Variants in ZBTB20 observed in about 807,000 individuals in gnomAD.
The protein encoded by ZBTB20 is zinc finger and BTB domain containing 20, also known as zinc finger and BTB domain-containing protein 20.
A neutral mutation model predicts 56.9 loss-of-function variants in ZBTB20; 9 were observed. The ratio of observed to expected loss-of-function variants is 0.16; its 90% CI spans 0.10 to 0.28. The LOEUF (loss-of-function observed/expected upper bound fraction) is 0.28, where lower values mean the gene tolerates loss of function less well. Ranked by LOEUF, ZBTB20 falls within the 10% of genes least tolerant of loss-of-function variation. ZBTB20 has a pLI of 1.00. For synonymous variants in ZBTB20, 417 were observed against 420.7 expected, an observed-to-expected ratio of 0.99 and a Z score of 0.11; for missense variants, 655 against 1,003.0, an observed-to-expected ratio of 0.65 and a Z score of 4.69.
At chr3:114,850,608 G>A (rs1482032551) in intron 4 of ZBTB20, among the ~76,000 whole-genome samples, 1 of 152,186 alleles carries the variant, frequency 6.6e-6, no homozygotes, top group Non-Finnish European at 1.5e-5. Context: ...CTTACCCAAG[G>A]CCCTGCATTA....
chr3:114,748,612 C>T (rs2067304246), intron 5 of ZBTB20, among the ~76,000 whole-genome samples: 1 of 152,018 alleles, frequency 6.6e-6, no homozygotes, highest in Non-Finnish European at 1.5e-5. Flanking sequence ...CTGGTGAACT[C>T]AATGGTCCAA....
chr3:114,655,714 A>G (rs1031276463), intron 6 of ZBTB20, among the ~76,000 whole-genome samples: 1 of 152,050 alleles, frequency 6.6e-6, no homozygotes, highest in Admixed American at 6.5e-5. Flanking sequence ...ATATTTTACC[A>G]CTTTATGCAA....
At chr3:114,534,602 T>C (rs2048252101) in intron 6 of ZBTB20, among the ~76,000 whole-genome samples, 1 of 152,108 alleles carries the variant, frequency 6.6e-6, no homozygotes, top group Admixed American at 6.6e-5. Flanking sequence ...TTAACAAGGA[T>C]ATTCAGGACT....
intron 5 of ZBTB20, among the ~76,000 whole-genome samples, chr3:114,757,792 T>C (rs1441080308): frequency 6.6e-6 from 1 of 152,126 alleles, no homozygotes; most frequent in African/African-American, 2.4e-5. Flanking sequence ...AAGGAATAGA[T>C]TAGAAGGCAA....
chr3:114,804,132 T>C (rs1457462030), intron 4 of ZBTB20, among the ~76,000 whole-genome samples: 1 of 151,978 alleles, frequency 6.6e-6, no homozygotes, highest in Non-Finnish European at 1.5e-5. Flanking sequence ...TCCTTAAAGA[T>C]TCTGAATGGC....
intron 5 of ZBTB20, chr3:114,759,115 G>C (rs1394414303): frequency 2.0e-5 from 3 of 152,066 alleles, no homozygotes; most frequent in African/African-American, 7.2e-5. Flanking sequence ...ACTGCGTCAC[G>C]AGCACAAAAA....
chr3:114,587,236 A>G (rs2055274765), intron 6 of ZBTB20, among the ~76,000 whole-genome samples: 1 of 152,026 alleles, frequency 6.6e-6, no homozygotes, highest in Non-Finnish European at 1.5e-5. Flanking sequence ...ACTACAGGTG[A>G]TCTGCCCACC....
chr3:114,504,181 T>C (rs755418100), intron 6 of ZBTB20, among the ~76,000 whole-genome samples: 3 of 152,188 alleles, frequency 2.0e-5, no homozygotes, highest in Non-Finnish European at 4.4e-5. Context: ...ACAGGCTTCT[T>C]TGAAGGCCTG....
At chr3:115,094,743 T>TA (rs2083317196) in intron 1 of ZBTB20, among the ~76,000 whole-genome samples, 1 of 151,736 alleles carries the variant, frequency 6.6e-6, no homozygotes, top group Non-Finnish European at 1.5e-5. Context: ...GCTAATTCAG[T>TA]AAAAAACAAA....
At chr3:114,722,732 T>C (rs1335959971) in intron 5 of ZBTB20, among the ~76,000 whole-genome samples, 1 of 152,232 alleles carries the variant, frequency 6.6e-6, no homozygotes, top group Non-Finnish European at 1.5e-5. Flanking sequence ...GTTGCTGTCA[T>C]GACAAGCCAA....
At chr3:114,728,982 T>TGACA (rs944096897) in intron 5 of ZBTB20, among the ~76,000 whole-genome samples, 1 of 151,910 alleles carries the variant, frequency 6.6e-6, no homozygotes, top group Non-Finnish European at 1.5e-5. Context: ...AATACCTAGG[T>TGACA]GACAGGTTGA....
chr3:114,606,112 G>A (rs142283091), intron 6 of ZBTB20, among the ~76,000 whole-genome samples: 16 of 152,234 alleles, frequency 1.1e-4, no homozygotes, highest in African/African-American at 3.6e-4. Flanking sequence ...AAAGAGCTAG[G>A]GGAACTGATT....
intron 4 of ZBTB20, among the ~76,000 whole-genome samples, chr3:114,830,024 T>C (rs1296905875): frequency 6.6e-6 from 1 of 151,938 alleles, no homozygotes; most frequent in Admixed American, 6.6e-5. Flanking sequence ...CTATGAGTTT[T>C]CATACTCATT....
At chr3:114,860,430 AT>A (rs978916678) in intron 4 of ZBTB20, among the ~76,000 whole-genome samples, 1 of 152,084 alleles carries the variant, frequency 6.6e-6, no homozygotes, top group Non-Finnish European at 1.5e-5. Context: ...CTGTGGCTTA[AT>A]TTTTTTTAAT....
At chr3:115,069,136 T>C (rs2082312812) in intron 2 of ZBTB20, among the ~76,000 whole-genome samples, 1 of 152,084 alleles carries the variant, frequency 6.6e-6, no homozygotes, top group Admixed American at 6.6e-5. Flanking sequence ...AAAAAAGCAG[T>C]TTCTAAATGT....
chr3:114,772,030 T>C (rs2108744989), intron 5 of ZBTB20, among the ~76,000 whole-genome samples: 1 of 152,334 alleles, frequency 6.6e-6, no homozygotes, highest in East Asian at 1.9e-4. Context: ...GAGATTTTTC[T>C]GTTTCCTGCA....
At position 114,467,607 on chromosome 3, in the gene ZBTB20, C is replaced by T. The variant is rs7615896; in HGVS notation, c.-255+32745G>A. Among the ~76,000 whole-genome samples the T allele has an allele frequency of 2.5e-3, 387 of 152,286 alleles. 1 individual carries two copies. Among genetic ancestry groups the T allele is most frequent in the African/African-American group, 8.9e-3 (368 of 41,566 alleles). Reference sequence around the variant, plus strand: ...AAGGACCACCTCTTATTGCTTTCTACCCTTTCCCTAAACTCAAGCATGCAT... The same window carrying T: ...AAGGACCACCTCTTATTGCTTTCTATCCTTTCCCTAAACTCAAGCATGCAT... On this transcript the variant is annotated intron_variant, in intron 7 of 11. Transcript: ENST00000675478.
chr3:115,085,703 C>T (rs116145853), intron 1 of ZBTB20, among the ~76,000 whole-genome samples: 2,326 of 151,978 alleles, frequency 0.015, 33 homozygotes, highest in South Asian at 0.05. Context: ...GCTTAATATG[C>T]CACATTTGCC....
At chr3:114,738,141 C>T (rs1578619401) in intron 5 of ZBTB20, among the ~76,000 whole-genome samples, 1 of 151,880 alleles carries the variant, frequency 6.6e-6, no homozygotes, top group Admixed American at 6.6e-5. Context: ...TAAATAACTT[C>T]TTTATTTGCT....
Sources: gnomAD v4.1 joint callset for allele counts (sites outside exome capture counted in the v4.1 genomes callset) on GRCh38, gnomAD v4.1.1 for gene constraint, MANE v1.5 for transcripts, NCBI Gene and HGNC (gene_info 2026-07-23, HGNC 2026-07-21) for gene names.